Variants in BAZ1B observed in about 807,000 individuals in gnomAD.
The protein encoded by BAZ1B is bromodomain adjacent to zinc finger domain 1B.
A neutral mutation model predicts 153.8 loss-of-function variants in BAZ1B; 22 were observed. The ratio of observed to expected loss-of-function variants is 0.14; its 90% confidence interval spans 0.10 to 0.20. The LOEUF (loss-of-function observed/expected upper bound fraction) is 0.20, where lower values mean the gene tolerates loss of function less well. Among genes scored for constraint, BAZ1B ranks in the 10% least tolerant of loss-of-function variants. The pLI is 1.00. For missense variants in BAZ1B, 1,325 were observed against 1,799.3 expected, an observed-to-expected ratio of 0.74 and a Z score of 4.77; for synonymous variants, 676 against 633.4, an observed-to-expected ratio of 1.07 and a Z score of -1.01.
chr7:73,469,667 G>C lies in BAZ1B; in HGVS notation c.2733-17C>G. 1 of 1,613,330 alleles carries C rather than the reference G, an allele frequency of 6.2e-7. No individual in the cohort carries two copies. On this transcript the variant is annotated splice_polypyrimidine_tract_variant and intron_variant, in intron 8 of 19. Transcript: ENST00000339594. ...AGCCAGTATCTACAAATCACAACCA[G>C]TATTAATAAGACAGTGAATAGATCA...
intron 6 of BAZ1B, among the ~76,000 whole-genome samples, chr7:73,484,269 A>C (rs1554574156): frequency 1.3e-5 from 2 of 151,804 alleles, no homozygotes; most frequent in African/African-American, 2.4e-5. Context: ...TGTCAAAGGA[A>C]GGAAGGGAGG....
intron 13 of BAZ1B, among the ~76,000 whole-genome samples, chr7:73,453,838 G>A (rs1788097700): frequency 6.6e-6 from 1 of 151,888 alleles, no homozygotes; most frequent in South Asian, 2.1e-4. Context: ...AAAAAGCCGG[G>A]TATGGTGGCA....
chr7:73,450,819 C>G lies in BAZ1B; in HGVS notation c.3580+28G>C. On this transcript the variant is annotated intron_variant, in intron 14 of 19. Transcript: ENST00000339594. The surrounding 1 kb of genome is among the most constrained non-coding windows in gnomAD (Gnocchi z 4.1). ...TAGAAATCCTACTCCCTAATATACCCACATAAGCAAATTTGATTTAAATAT... is the reference window on the plus strand; with the variant it reads ...TAGAAATCCTACTCCCTAATATACCGACATAAGCAAATTTGATTTAAATAT... 5 of 1,611,762 alleles carry G rather than the reference C, an allele frequency of 3.1e-6. No individual in the cohort carries two copies. Among genetic ancestry groups the G allele is most frequent in the Non-Finnish European group, 3.4e-6 (4 of 1,178,176 alleles).
rs1334268770 is a variant in BAZ1B at position 73,484,312 on chromosome 7, T to TAGATAGAC, written c.891+4881_891+4882insGTCTATCT. ...GGAGGAAGATAGATAGATAGATAGA[T>TAGATAGAC]AGACAGACAGACAGACAGACAGACA... On this transcript the variant is annotated intron_variant, in intron 6 of 19. Coordinates refer to ENST00000339594, the MANE Select transcript of BAZ1B (RefSeq NM_032408.4). Among the ~76,000 whole-genome samples the TAGATAGAC allele has an allele frequency of 6.0e-5, 9 of 149,258 alleles. No individual in the cohort carries two copies. In the South Asian group the frequency reaches 6.3e-4, roughly 10 times the overall value.
chr7:73,508,546 A>ATTTC, intron 2 of BAZ1B, 75 bp from the exon 3 acceptor site: 1 of 1,450,052 alleles, frequency 6.9e-7, no homozygotes, highest in Admixed American at 2.3e-5. Flanking sequence ...CAATTCAAAC[A>ATTTC]TTTCTTTCTT....
At chr7:73,465,667 T>A in intron 10 of BAZ1B, 130 bp from the exon 11 acceptor site, 1 of 524,908 alleles carries the variant, frequency 1.9e-6, no homozygotes. Flanking sequence ...CACAATCTAC[T>A]ATCTAGAAGT....
intron 9 of BAZ1B, among the ~76,000 whole-genome samples, chr7:73,466,954 TAG>T: frequency 6.6e-6 from 1 of 152,296 alleles, no homozygotes; most frequent in Non-Finnish European, 1.5e-5. Context: ...TTTTTTGAGA[TAG>T]AGTCTCGCTC....
At chr7:73,489,450 G>C in intron 5 of BAZ1B, 59 bp from the exon 6 acceptor site, 1 of 1,561,130 alleles carries the variant, frequency 6.4e-7, no homozygotes, top group Non-Finnish European at 8.8e-7. Context: ...ACCCAAATGA[G>C]AACAAGCAAT....
chr7:73,469,669 A>T lies in BAZ1B; in HGVS notation c.2733-19T>A, dbSNP rs1554571713. 2.5e-6 allele frequency: 4 copies of T among 1,613,286 alleles called. No homozygotes were observed. Among genetic ancestry groups the T allele is most frequent in the Non-Finnish European group, 3.4e-6 (4 of 1,179,462 alleles). On this transcript the variant is annotated intron_variant, in intron 8 of 19. Coordinates refer to ENST00000339594, the MANE Select transcript of BAZ1B (RefSeq NM_032408.4). ...CCAGTATCTACAAATCACAACCAGT[A>T]TTAATAAGACAGTGAATAGATCAGG...
At chr7:73,497,699 TAAA>T (rs1315561316) in intron 4 of BAZ1B, among the ~76,000 whole-genome samples, 2 of 148,206 alleles carry the variant, frequency 1.3e-5, no homozygotes, top group Non-Finnish European at 3.0e-5. Flanking sequence ...TTAAGTGCCA[TAAA>T]AAAAAGAAAA....
intron 7 of BAZ1B, among the ~76,000 whole-genome samples, chr7:73,476,365 C>T (rs1401897712): frequency 6.6e-6 from 1 of 152,132 alleles, no homozygotes; most frequent in African/African-American, 2.4e-5. Flanking sequence ...GCCATCAAAG[C>T]CCAAAATTTT....
intron 11 of BAZ1B, among the ~76,000 whole-genome samples, chr7:73,464,788 T>C (rs1788519206): frequency 6.6e-6 from 1 of 152,180 alleles, no homozygotes. Flanking sequence ...TGCAGGGGCA[T>C]GATCTTGGCT....
intron 4 of BAZ1B, among the ~76,000 whole-genome samples, chr7:73,497,799 TATA>T (rs1406295085): frequency 2.0e-5 from 3 of 152,196 alleles, no homozygotes; most frequent in Non-Finnish European, 4.4e-5. Flanking sequence ...CACATTGGCT[TATA>T]ATGTGAAGAT....
At chr7:73,505,870 C>A (rs1330476049) in intron 3 of BAZ1B, among the ~76,000 whole-genome samples, 1 of 152,150 alleles carries the variant, frequency 6.6e-6, no homozygotes, top group African/African-American at 2.4e-5. Context: ...TTTTCAGTAG[C>A]TTAAGTATCA....
Position 73,440,972 on chromosome 7 carries a change from G to A in BAZ1B, c.*737C>T, listed in dbSNP as rs1488918113. Reference sequence around the variant, plus strand: ...GAGCTAGATTTGTTGTGGGGGAAGGGGCTCTCAGAGCTTCTCTGCCGCTCT... The same window carrying A: ...GAGCTAGATTTGTTGTGGGGGAAGGAGCTCTCAGAGCTTCTCTGCCGCTCT... On this transcript the variant is annotated 3_prime_UTR_variant, in exon 20 of 20. Transcript: ENST00000339594. The A allele has an allele frequency of 1.3e-5, 2 of 152,582 alleles. No homozygotes were observed. The highest frequency in any genetic ancestry group is 2.9e-5 in the Non-Finnish European group (2 of 68,038). The allele number at this position is 152,582 out of a possible 1,614,324, so 9.5% of individuals were successfully genotyped here.
intron 8 of BAZ1B, among the ~76,000 whole-genome samples, chr7:73,469,916 C>A (rs139588431): frequency 2.0e-5 from 3 of 152,102 alleles, no homozygotes; most frequent in Non-Finnish European, 4.4e-5. Context: ...CTATGTTGGC[C>A]GGGCTGGTCT....
In BAZ1B at chr7:73,450,204, C is replaced by T. The variant is rs575870031; in HGVS notation, c.3581-515G>A. On this transcript the variant is annotated intron_variant, in intron 14 of 19. Coordinates refer to ENST00000339594, the MANE Select transcript of BAZ1B (RefSeq NM_032408.4). The surrounding 1 kb of genome is among the most constrained non-coding windows in gnomAD (Gnocchi z 4.1). ...CTGGGATTACAGGCGTGAGCCACCGCGCCCGGCCCCTGATGGGTTCCCTTA... is the reference window on the plus strand; with the variant it reads ...CTGGGATTACAGGCGTGAGCCACCGTGCCCGGCCCCTGATGGGTTCCCTTA... 2.0e-5 allele frequency among the ~76,000 whole-genome samples: 3 copies of T among 152,150 alleles called. No individual in the cohort carries two copies. The highest frequency in any genetic ancestry group is 4.1e-4 in the South Asian group (2 of 4,824).
At chr7:73,511,908 G>A (rs1403329429) in intron 1 of BAZ1B, among the ~76,000 whole-genome samples, 2 of 150,910 alleles carry the variant, frequency 1.3e-5, no homozygotes, top group African/African-American at 4.9e-5. Context: ...GCACATGCCT[G>A]TAATCCCAGC....
At chr7:73,512,171 G>GAA (rs1179724082) in intron 1 of BAZ1B, among the ~76,000 whole-genome samples, 1 of 151,772 alleles carries the variant, frequency 6.6e-6, no homozygotes, top group Non-Finnish European at 1.5e-5. Flanking sequence ...GTCCACCTTG[G>GAA]AAACATGTTA....
Sources: gnomAD v4.1 joint callset for allele counts (sites outside exome capture counted in the v4.1 genomes callset) on GRCh38, gnomAD v4.1.1 for gene constraint, Gnocchi (gnomAD v3.1) non-coding constraint, MANE v1.5 for transcripts, NCBI Gene and HGNC (gene_info 2026-07-23, HGNC 2026-07-21) for gene names.